COPG2: variants seen among roughly 807,000 people sequenced by gnomAD.
COPG2 encodes the protein coatomer subunit gamma-2.
Under a neutral mutation model 46.3 loss-of-function variants are expected in COPG2, and 37 were observed. The observed-to-expected ratio is 0.80, with a 90% confidence interval of 0.61 to 1.05. The LOEUF (loss-of-function observed/expected upper bound fraction) is 1.05. Among genes scored for constraint, COPG2 ranks in the 50% least tolerant of loss-of-function variants. The probability of loss-of-function intolerance (pLI) is 0.00; values close to 1 mark genes in which losing one functional copy is unlikely to be tolerated. For synonymous variants in COPG2, 159 were observed against 129.7 expected (o/e 1.23, Z -1.53); for missense variants, 427 against 387.8 (o/e 1.10, Z -0.85).
At chr7:130,591,969 G>A (rs535320080) in intron 9 of COPG2, among the ~76,000 whole-genome samples, 7 of 152,342 alleles carry the variant, frequency 4.6e-5, no homozygotes, top group African/African-American at 1.2e-4. Context: ...GGGGGGAAAG[G>A]CGGGGAAAAG....
intron 9 of COPG2, among the ~76,000 whole-genome samples, chr7:130,577,754 C>A (rs1327390257): frequency 5.2e-5 from 7 of 133,812 alleles, no homozygotes. Flanking sequence ...GGCGACAGAG[C>A]GAGACTCCGT....
intron 9 of COPG2, among the ~76,000 whole-genome samples, chr7:130,584,040 G>T (rs1453366060): frequency 6.6e-6 from 1 of 151,800 alleles, no homozygotes; most frequent in African/African-American, 2.4e-5. Flanking sequence ...TATCCTTGAT[G>T]AACACAGATG....
At chr7:130,577,451 C>T (rs1056391813) in intron 9 of COPG2, among the ~76,000 whole-genome samples, 5 of 152,190 alleles carry the variant, frequency 3.3e-5, no homozygotes, top group Non-Finnish European at 5.9e-5. Context: ...GAATATTGAG[C>T]TTTTCCGACC....
chr7:130,616,821 A>C (rs545187593), intron 6 of COPG2, among the ~76,000 whole-genome samples, 169 bp downstream of exon 6: 2 of 152,348 alleles, frequency 1.3e-5, no homozygotes, highest in African/African-American at 4.8e-5. Context: ...AAAGGAAAAA[A>C]ATCTGAAGAC....
chr7:130,646,536 C>T (rs1554458215), intron 5 of COPG2, among the ~76,000 whole-genome samples: 1 of 152,076 alleles, frequency 6.6e-6, no homozygotes, highest in African/African-American at 2.4e-5. Context: ...ACTGTTCGGA[C>T]ATGTTATTAA....
chr7:130,624,166 C>G (rs1300511434), intron 5 of COPG2, among the ~76,000 whole-genome samples: 1 of 152,088 alleles, frequency 6.6e-6, no homozygotes, highest in African/African-American at 2.4e-5. Context: ...GGGCTCCATC[C>G]TCATAATCTA....
At chr7:130,601,206 T>G (rs782067739) in intron 9 of COPG2, among the ~76,000 whole-genome samples, 2 of 152,238 alleles carry the variant, frequency 1.3e-5, no homozygotes, top group Non-Finnish European at 2.9e-5. Context: ...GGAACTCTTT[T>G]ACACTGTTGG....
At chr7:130,612,052 T>G (rs1794858660) in intron 8 of COPG2, 100 bp downstream of exon 8, 5 of 815,546 alleles carry the variant, frequency 6.1e-6, no homozygotes, top group African/African-American at 1.7e-5. Flanking sequence ...TTAATTTGCC[T>G]TTAGTTAATG....
chr7:130,555,649 A>T (rs1793609061), intron 12 of COPG2, among the ~76,000 whole-genome samples: 1 of 149,352 alleles, frequency 6.7e-6, no homozygotes, highest in Admixed American at 6.6e-5. Context: ...CAATATGGTG[A>T]AATACCGTTT....
chr7:130,606,081 T>C (rs7802753), intron 9 of COPG2, among the ~76,000 whole-genome samples: 120,745 of 151,916 alleles, frequency 0.79, 48,274 homozygotes, highest in Non-Finnish European at 0.85. Context: ...CCACCTCAGC[T>C]TCCCAAAGTG....
At chr7:130,630,492 GA>G in intron 5 of COPG2, among the ~76,000 whole-genome samples, 1 of 152,274 alleles carries the variant, frequency 6.6e-6, no homozygotes, top group East Asian at 1.9e-4. Context: ...CATCAGCAAA[GA>G]GTCTCAGTTT....
At chr7:130,517,728 A>T (rs1799691002) in intron 20 of COPG2, among the ~76,000 whole-genome samples, 1 of 152,232 alleles carries the variant, frequency 6.6e-6, no homozygotes, top group Non-Finnish European at 1.5e-5. Flanking sequence ...AGTAGCCAAA[A>T]TGGATAGGTA....
intron 9 of COPG2, among the ~76,000 whole-genome samples, chr7:130,597,182 AC>A (rs1794545537): frequency 6.6e-6 from 1 of 151,876 alleles, no homozygotes; most frequent in Non-Finnish European, 1.5e-5. Flanking sequence ...CAACCTTCAC[AC>A]CCTTCTCTAC....
chr7:130,642,743 C>G (rs1779110120), intron 5 of COPG2, among the ~76,000 whole-genome samples: 1 of 152,226 alleles, frequency 6.6e-6, no homozygotes, highest in South Asian at 2.1e-4. Context: ...AACCTAACGG[C>G]TGAGCACAGT....
rs1554444369 is a variant in COPG2 at position 130,557,829 on chromosome 7, A to AAAAAAAC, written c.1129-2698_1129-2697insGTTTTTT. On this transcript the variant is annotated intron_variant, in intron 12 of 23. Transcript: ENST00000425248. The stretch of plus-strand genomic sequence containing the variant: ...TGAAACTCCATCTCAAAAAAAAAAA[A>AAAAAAAC]AAAAAAAAATCATGCAAGAATAGCC... 1.4e-5 allele frequency among the ~76,000 whole-genome samples: 2 copies of AAAAAAAC among 147,742 alleles called. 1 individual carries two copies. Among genetic ancestry groups the AAAAAAAC allele is most frequent in the South Asian group, 4.2e-4 (2 of 4,708 alleles).
At chr7:130,652,419 C>T (rs553736191) in intron 5 of COPG2, among the ~76,000 whole-genome samples, 6 of 152,136 alleles carry the variant, frequency 3.9e-5, no homozygotes, top group African/African-American at 1.4e-4. Flanking sequence ...AAATATTATA[C>T]CTCATTCTTG....
intron 9 of COPG2, among the ~76,000 whole-genome samples, chr7:130,584,323 A>G (rs1794223440): frequency 6.6e-6 from 1 of 152,078 alleles, no homozygotes; most frequent in African/African-American, 2.4e-5. Context: ...ATGTAACAAA[A>G]GCCATCTATG....
chr7:130,665,668 C>T (rs77076377), intron 3 of COPG2, among the ~76,000 whole-genome samples: 4,668 of 152,006 alleles, frequency 0.031, 242 homozygotes, highest in African/African-American at 0.11. Flanking sequence ...AGGTTATATG[C>T]AAATACTACA....
chr7:130,611,537 T>TA lies in COPG2; in HGVS notation c.580-428dup, dbSNP rs575788844. On this transcript the variant is annotated intron_variant, in intron 8 of 23. Transcript: ENST00000425248. ...AGTGTCATCATCTTGACACTTTGTA[T>TA]AAAAACACATGATCAGAGTCAGGAG... Among the ~76,000 whole-genome samples, 477 of 152,302 alleles carry TA rather than the reference T, an allele frequency of 3.1e-3. 3 individuals carry two copies. Among genetic ancestry groups the TA allele is most frequent in the African/African-American group, 0.011 (454 of 41,562 alleles).
Sources: gnomAD v4.1 joint callset for allele counts (sites outside exome capture counted in the v4.1 genomes callset) on GRCh38, gnomAD v4.1.1 for gene constraint, MANE v1.5 for transcripts, NCBI Gene and HGNC (gene_info 2026-07-23, HGNC 2026-07-21) for gene names.